PTAR1: variants seen among roughly 807,000 people sequenced by gnomAD.
The protein encoded by PTAR1 is protein prenyltransferase alpha subunit repeat-containing protein 1.
Under a neutral mutation model 45.5 loss-of-function variants are expected in PTAR1, and 17 were observed. That is an observed-to-expected ratio of 0.37 (90% CI 0.26 to 0.56). The LOEUF is 0.56. PTAR1 is among the 20% of genes least tolerant of loss of function. The probability of loss-of-function intolerance (pLI) is 0.77; values close to 1 mark genes in which losing one functional copy is unlikely to be tolerated. For synonymous variants in PTAR1, 169 were observed against 171.3 expected, an observed-to-expected ratio of 0.99 and a Z score of 0.11; for missense variants, 391 against 476.3, an observed-to-expected ratio of 0.82 and a Z score of 1.67.
Position 69,759,861 on chromosome 9 carries a change from G to A in PTAR1, c.78C>T (p.Asn26=). 1.3e-6 allele frequency: 2 copies of A among 1,526,856 alleles called. No homozygotes were observed. The highest frequency in any genetic ancestry group is 1.8e-6 in the Non-Finnish European group (2 of 1,136,394). 94.6% of individuals were successfully genotyped at this position (1,526,856 alleles called of 1,614,324 possible). A position where few individuals can be genotyped will look rare whatever the true frequency, so the allele number is the denominator to read the frequency against. The change falls in exon 1 of 8, where the codon AAC becomes AAT. Residue 26 remains asparagine, a synonymous_variant. Transcript: ENST00000340434. Reference sequence around the variant, plus strand: ...GGAGGCGCGCGACTCACATGTGTGGGTTCCTCCTGAAGGCGTTAGTGATGT... The same window carrying A: ...GGAGGCGCGCGACTCACATGTGTGGATTCCTCCTGAAGGCGTTAGTGATGT... ...VKDITNAFRR[N]PHIDEIGLIP...
intron 4 of PTAR1, among the ~76,000 whole-genome samples, chr9:69,733,650 T>C (rs1033920286): frequency 3.3e-5 from 5 of 152,184 alleles, no homozygotes; most frequent in African/African-American, 7.2e-5. Flanking sequence ...CTACACAGCA[T>C]TCGCTTCAGC....
chr9:69,719,647 A>G (rs916552669), intron 6 of PTAR1, among the ~76,000 whole-genome samples: 1 of 152,150 alleles, frequency 6.6e-6, no homozygotes, highest in East Asian at 1.9e-4. Flanking sequence ...TACCTAGTTT[A>G]TATTATGCTT....
intron 1 of PTAR1, among the ~76,000 whole-genome samples, chr9:69,754,568 T>G (rs1588489950): frequency 7.5e-6 from 1 of 133,006 alleles, no homozygotes; most frequent in East Asian, 2.2e-4. Context: ...TGAGACAGGA[T>G]CTTGCTCTGT....
intron 2 of PTAR1, 115 bp downstream of exon 2, chr9:69,750,666 G>A (rs1826487534): frequency 1.3e-6 from 1 of 747,804 alleles, no homozygotes; most frequent in South Asian, 2.3e-5. Context: ...CCGAGACAGT[G>A]AACAGAAGAA....
chr9:69,731,890 C>G (rs896470881), intron 5 of PTAR1: 5 of 512,228 alleles, frequency 9.8e-6, no homozygotes, highest in Non-Finnish European at 1.4e-5. Flanking sequence ...CTCAATCTTC[C>G]TCAGTTGGTT....
At chr9:69,748,999 A>G (rs1826401310) in intron 2 of PTAR1, among the ~76,000 whole-genome samples, 1 of 152,170 alleles carries the variant, frequency 6.6e-6, no homozygotes. Flanking sequence ...CTGCTTTTGT[A>G]CACATGCACG....
In PTAR1 at chr9:69,712,944, A is replaced by T. The variant is rs1176660293; in HGVS notation, c.*5398T>A. On this transcript the variant is annotated 3_prime_UTR_variant, in exon 8 of 8. Coordinates refer to ENST00000340434, the MANE Select transcript of PTAR1 (RefSeq NM_001099666.2). Reference sequence around the variant, plus strand: ...CTGTACTGGTAATAGTTTATAAAAAATACGATCTATACTAAAATTTAAGAG... The same window carrying T: ...CTGTACTGGTAATAGTTTATAAAAATTACGATCTATACTAAAATTTAAGAG... The T allele has an allele frequency of 1.3e-5, 2 of 152,118 alleles. No individual in the cohort carries two copies. Among genetic ancestry groups the T allele is most frequent in the African/African-American group, 4.8e-5 (2 of 41,440 alleles). The allele number at this position is 152,118 out of a possible 1,614,324, so 9.4% of individuals were successfully genotyped here.
intron 1 of PTAR1, among the ~76,000 whole-genome samples, 190 bp downstream of exon 1, chr9:69,759,663 G>A (rs1353896262): frequency 6.6e-6 from 1 of 152,188 alleles, no homozygotes; most frequent in Non-Finnish European, 1.5e-5. Context: ...CCGCGAGCGC[G>A]TCCCGGTAGC....
At chr9:69,721,391 G>C (rs910066609) in intron 6 of PTAR1, among the ~76,000 whole-genome samples, 3 of 151,972 alleles carry the variant, frequency 2.0e-5, no homozygotes, top group Non-Finnish European at 2.9e-5. Flanking sequence ...GCTTTTTATG[G>C]ATGAACCAAA....
chr9:69,711,905 T>A lies in PTAR1; in HGVS notation c.*6437A>T, dbSNP rs1019346487. ...GAAAAGATGTCAACAGTCTCCTTTC[T>A]GAAAGCTGTTAGTTTGATGTTAGAT... On this transcript the variant is annotated 3_prime_UTR_variant, in exon 8 of 8. Coordinates refer to ENST00000340434, the MANE Select transcript of PTAR1 (RefSeq NM_001099666.2). 3.3e-5 allele frequency: 5 copies of A among 152,174 alleles called. No individual in the cohort carries two copies. The highest frequency in any genetic ancestry group is 1.2e-4 in the African/African-American group (5 of 41,458). 9.4% of individuals were successfully genotyped at this position (152,174 alleles called of 1,614,324 possible). A position where few individuals can be genotyped will look rare whatever the true frequency, so the allele number is the denominator to read the frequency against.
intron 2 of PTAR1, among the ~76,000 whole-genome samples, chr9:69,742,667 A>T (rs1020653671): frequency 6.6e-6 from 1 of 152,142 alleles, no homozygotes; most frequent in Non-Finnish European, 1.5e-5. Flanking sequence ...TCTTTAAAAT[A>T]GACTGTATCT....
chr9:69,724,251 A>G (rs1055938996), intron 5 of PTAR1, among the ~76,000 whole-genome samples: 3 of 152,208 alleles, frequency 2.0e-5, no homozygotes, highest in Admixed American at 6.5e-5. Flanking sequence ...ACTTAACAGT[A>G]ATAATAAATG....
rs1034110747 is a variant in PTAR1 at position 69,717,462 on chromosome 9, C to T, written c.*880G>A. Reference sequence around the variant, plus strand: ...CAATAAAAATAATTTTCCTTTACTGCAATTACATAAACTCTTAAGTTAGTT... The same window carrying T: ...CAATAAAAATAATTTTCCTTTACTGTAATTACATAAACTCTTAAGTTAGTT... On this transcript the variant is annotated 3_prime_UTR_variant, in exon 8 of 8. Coordinates refer to ENST00000340434, the MANE Select transcript of PTAR1 (RefSeq NM_001099666.2). 11 of 152,092 alleles carry T rather than the reference C, an allele frequency of 7.2e-5. 1 individual carries two copies. The East Asian group carries it at 2.1e-3, about 29-fold the overall frequency. The allele number at this position is 152,092 out of a possible 1,614,324, so 9.4% of individuals were successfully genotyped here.
rs1264681189 is a variant in PTAR1 at position 69,709,745 on chromosome 9, A to T, written c.*8597T>A. On this transcript the variant is annotated 3_prime_UTR_variant, in exon 8 of 8. Coordinates refer to ENST00000340434, the MANE Select transcript of PTAR1 (RefSeq NM_001099666.2). ...AGTCCTGGAAGACAGTTGCAGAGGAAGATTAGAATCCCAGGGCTGTTTGTT... is the reference window on the plus strand; with the variant it reads ...AGTCCTGGAAGACAGTTGCAGAGGATGATTAGAATCCCAGGGCTGTTTGTT... 6.6e-6 allele frequency: 1 copy of T among 152,130 alleles called. No homozygotes were observed. Among genetic ancestry groups the T allele is most frequent in the Non-Finnish European group, 1.5e-5 (1 of 67,982 alleles). The allele number at this position is 152,130 out of a possible 1,614,324, so 9.4% of individuals were successfully genotyped here.
Position 69,709,696 on chromosome 9 carries a change from A to G in PTAR1, c.*8646T>C, listed in dbSNP as rs1824450489. 1 of 152,184 alleles carries G rather than the reference A, an allele frequency of 6.6e-6. No individual in the cohort carries two copies. Among genetic ancestry groups the G allele is most frequent in the Non-Finnish European group, 1.5e-5 (1 of 68,008 alleles). 9.4% of individuals were successfully genotyped at this position (152,184 alleles called of 1,614,324 possible). A position where few individuals can be genotyped will look rare whatever the true frequency, so the allele number is the denominator to read the frequency against. On this transcript the variant is annotated 3_prime_UTR_variant, in exon 8 of 8. Transcript: ENST00000340434. ...ATTTCATTCTACTTTTCTGCCACTT[A>G]TCACAGTGTAATAAGTGCCAGTAAG...
chr9:69,747,355 C>G (rs369471226), intron 2 of PTAR1, among the ~76,000 whole-genome samples: 137 of 152,258 alleles, frequency 9.0e-4, no homozygotes, highest in African/African-American at 3.2e-3. Flanking sequence ...TGTGTATGCA[C>G]GTGCATGTGC....
At position 69,759,896 on chromosome 9, in the gene PTAR1, C is replaced by G; in HGVS notation, c.43G>C (p.Val15Leu). 4 of 1,529,600 alleles carry G rather than the reference C, an allele frequency of 2.6e-6. No individual in the cohort carries two copies. Among genetic ancestry groups the G allele is most frequent in the Non-Finnish European group, 3.5e-6 (4 of 1,138,832 alleles). The allele number at this position is 1,529,600 out of a possible 1,614,324, so 94.8% of individuals were successfully genotyped here. ...AAGGCGTTAGTGATGTCCTTCACAA[C>G]CCGCTGCACCAGCACCGCCACCTCC... ...SEEVAVLVQR[V>L]VKDITNAFRR... Residue 15 changes from valine to leucine, a missense_variant, in exon 1 of 8, where the codon GTT becomes CTT. Val to Leu is a conservative substitution (Grantham distance 32). This residue lies in a region of PTAR1 where 152 missense variants were observed against 160.0 expected (regional missense o/e 0.95). Transcript: ENST00000340434.
intron 3 of PTAR1, among the ~76,000 whole-genome samples, chr9:69,736,990 G>A (rs947692780): frequency 6.6e-6 from 1 of 152,114 alleles, no homozygotes; most frequent in Admixed American, 6.5e-5. Flanking sequence ...AACATTTGTA[G>A]GTGTTGGATA....
In PTAR1 at chr9:69,711,362, T is replaced by C. The variant is rs1824517066; in HGVS notation, c.*6980A>G. 6.6e-6 allele frequency: 1 copy of C among 152,204 alleles called. No homozygotes were observed. The highest frequency in any genetic ancestry group is 1.5e-5 in the Non-Finnish European group (1 of 68,028). The allele number at this position is 152,204 out of a possible 1,614,324, so 9.4% of individuals were successfully genotyped here. ...CAGGTAGGAATGTTTATTTGTGTTT[T>C]ATAAAACTGTTTAATCTTTTTACAT... On this transcript the variant is annotated 3_prime_UTR_variant, in exon 8 of 8. Coordinates refer to ENST00000340434, the MANE Select transcript of PTAR1 (RefSeq NM_001099666.2).
Sources: allele counts gnomAD v4.1 joint callset (sites outside exome capture counted in the v4.1 genomes callset), GRCh38; gene constraint gnomAD v4.1.1; regional missense constraint gnomAD v4.1.1; transcripts MANE v1.5; gene names NCBI Gene and HGNC (gene_info 2026-07-23, HGNC 2026-07-21).